The following RCOR1 variants were observed in gnomAD, a reference collection of about 807,000 sequenced individuals.
RCOR1 encodes the protein REST corepressor.
RCOR1 carries 12 observed loss-of-function variants against 64.0 expected under a neutral mutation model. That is an observed-to-expected ratio of 0.19 (90% CI 0.12 to 0.30). The LOEUF is 0.30. Ranked by LOEUF, RCOR1 falls within the 10% of genes least tolerant of loss-of-function variation. The pLI is 1.00. For synonymous variants in RCOR1, 279 were observed against 227.2 expected (o/e 1.23, Z -2.05); for missense variants, 502 against 621.2 (o/e 0.81, Z 2.04).
intron 3 of RCOR1, among the ~76,000 whole-genome samples, chr14:102,691,370 G>A (rs1244826875): frequency 6.6e-6 from 1 of 152,132 alleles, no homozygotes; most frequent in Non-Finnish European, 1.5e-5. Context: ...TGAGTCATGG[G>A]TTCATTTGTA....
At chr14:102,658,512 C>T (rs1257888049) in intron 2 of RCOR1, 8 of 984,228 alleles carry the variant, frequency 8.1e-6, no homozygotes, top group Non-Finnish European at 9.6e-6. Context: ...GGTTTTCTTA[C>T]TTTTATGACT....
intron 2 of RCOR1, among the ~76,000 whole-genome samples, chr14:102,675,548 T>G (rs1334018478): frequency 1.3e-5 from 2 of 152,136 alleles, no homozygotes; most frequent in African/African-American, 2.4e-5. Flanking sequence ...ATGACCCAAG[T>G]GACTAATGGG....
At chr14:102,705,131 CAAA>C (rs890869291) in intron 4 of RCOR1, among the ~76,000 whole-genome samples, 1 of 149,274 alleles carries the variant, frequency 6.7e-6, no homozygotes, top group African/African-American at 2.5e-5. Flanking sequence ...ACAACAACAA[CAAA>C]AAAAAAGAGG....
At chr14:102,717,540 C>CA (rs1405682063) in intron 8 of RCOR1, among the ~76,000 whole-genome samples, 1 of 152,178 alleles carries the variant, frequency 6.6e-6, no homozygotes, top group Non-Finnish European at 1.5e-5. Context: ...CCTGATCTCA[C>CA]AGAATATGTC....
chr14:102,671,640 C>T (rs939683022), intron 2 of RCOR1, among the ~76,000 whole-genome samples: 9 of 152,180 alleles, frequency 5.9e-5, no homozygotes, highest in Non-Finnish European at 1.2e-4. Context: ...GCTGATCCTC[C>T]CACCTCAGCC....
At chr14:102,720,693 T>G (rs1222740266) in intron 8 of RCOR1, among the ~76,000 whole-genome samples, 1 of 152,188 alleles carries the variant, frequency 6.6e-6, no homozygotes, top group Non-Finnish European at 1.5e-5. Context: ...TCTTCTGTCT[T>G]TTATGTAAGA....
intron 6 of RCOR1, 57 bp from the exon 7 acceptor site, chr14:102,710,878 T>C: frequency 8.1e-7 from 1 of 1,227,322 alleles, no homozygotes. Flanking sequence ...AATTTATCGT[T>C]TGTATTCGGA....
At chr14:102,625,127 G>A (rs1893953949) in intron 2 of RCOR1, among the ~76,000 whole-genome samples, 1 of 151,984 alleles carries the variant, frequency 6.6e-6, no homozygotes, top group Non-Finnish European at 1.5e-5. Flanking sequence ...CTCTTGCCTG[G>A]GCCTCCCAAA....
intron 2 of RCOR1, among the ~76,000 whole-genome samples, chr14:102,616,486 G>A (rs1893765751): frequency 2.0e-5 from 3 of 152,052 alleles, no homozygotes; most frequent in Non-Finnish European, 2.9e-5. Context: ...GCCCAGGCTG[G>A]TCTTGAACTC....
chr14:102,678,910 C>A (rs1476868309), intron 2 of RCOR1, among the ~76,000 whole-genome samples: 1 of 152,076 alleles, frequency 6.6e-6, no homozygotes, highest in East Asian at 1.9e-4. Context: ...ATCTAATATA[C>A]CCCCTTTATA....
At chr14:102,620,367 A>G (rs1893849987) in intron 2 of RCOR1, among the ~76,000 whole-genome samples, 1 of 145,304 alleles carries the variant, frequency 6.9e-6, no homozygotes, top group African/African-American at 2.5e-5. Flanking sequence ...CGGGAGTTCA[A>G]TACCAGCCTG....
chr14:102,711,406 T>C (rs1895954621), intron 7 of RCOR1, among the ~76,000 whole-genome samples: 1 of 152,158 alleles, frequency 6.6e-6, no homozygotes, highest in Admixed American at 6.5e-5. Flanking sequence ...GTGCCTGGGG[T>C]GACTGCAGGG....
intron 4 of RCOR1, among the ~76,000 whole-genome samples, chr14:102,704,464 C>G (rs1177275026): frequency 2.6e-5 from 4 of 152,198 alleles, no homozygotes; most frequent in African/African-American, 9.6e-5. Context: ...TGGAGTCTCA[C>G]TCTGTCACCC....
intron 8 of RCOR1, among the ~76,000 whole-genome samples, chr14:102,718,496 G>C (rs897378151): frequency 1.3e-5 from 2 of 151,452 alleles, no homozygotes; most frequent in African/African-American, 4.8e-5. Context: ...CTTTCTCTGA[G>C]TGGAGAATAA....
At chr14:102,683,651 C>T (rs1895349485) in intron 3 of RCOR1, among the ~76,000 whole-genome samples, 1 of 152,238 alleles carries the variant, frequency 6.6e-6, no homozygotes, top group Admixed American at 6.5e-5. Flanking sequence ...AAGCTCTCCT[C>T]TGGGGGCGCG....
Position 102,592,727 on chromosome 14 carries a change from C to G in RCOR1, c.-160C>G. The G allele has an allele frequency of 8.2e-7, 1 of 1,225,050 alleles. No individual in the cohort carries two copies. The allele number at this position is 1,225,050 out of a possible 1,614,324, so 75.9% of individuals were successfully genotyped here. A position where few individuals can be genotyped will look rare whatever the true frequency, so the allele number is the denominator to read the frequency against. On this transcript the variant is annotated 5_prime_UTR_variant, in exon 1 of 12. Transcript: ENST00000262241. ...GCTGGGGGCTTGAAGCGGCTCCGCG[C>G]TCTGCCCGTTTGGGCCTCCCCCGAC...
chr14:102,604,909 C>G (rs751900575), intron 2 of RCOR1, among the ~76,000 whole-genome samples: 11 of 151,588 alleles, frequency 7.3e-5, no homozygotes, highest in Non-Finnish European at 7.4e-5. Flanking sequence ...ATGGTGAAAC[C>G]CTGTCTCTAC....
intron 2 of RCOR1, chr14:102,655,339 C>T (rs568314577): frequency 1.2e-5 from 12 of 985,224 alleles, no homozygotes; most frequent in Middle Eastern, 5.2e-4. Flanking sequence ...TTGTACTTTA[C>T]TTTAGAATGG....
chr14:102,681,056 A>T (rs1034829496), intron 2 of RCOR1, among the ~76,000 whole-genome samples: 1 of 152,162 alleles, frequency 6.6e-6, no homozygotes, highest in African/African-American at 2.4e-5. Context: ...AAGATGGGAG[A>T]TCTGGTGGTA....
Sources: gnomAD v4.1 joint callset for allele counts (sites outside exome capture counted in the v4.1 genomes callset) on GRCh38, gnomAD v4.1.1 for gene constraint, MANE v1.5 for transcripts, NCBI Gene and HGNC (gene_info 2026-07-23, HGNC 2026-07-21) for gene names.